The following C5orf46 variants were observed in gnomAD, a reference collection of about 807,000 sequenced individuals.
C5orf46 encodes uncharacterized protein C5orf46.
C5orf46 carries 9 observed loss-of-function variants against 8.9 expected under a neutral mutation model. That is an observed-to-expected ratio of 1.01 (90% CI 0.61 to 1.76). C5orf46 has a LOEUF of 1.76. Among genes scored for constraint, C5orf46 ranks in the 40% most tolerant of loss-of-function variants. The pLI, the probability that C5orf46 is intolerant of heterozygous loss-of-function variation, is 0.00. For synonymous variants in C5orf46, 47 were observed against 41.4 expected, an observed-to-expected ratio of 1.14 and a Z score of -0.52; for missense variants, 98 against 107.8, an observed-to-expected ratio of 0.91 and a Z score of 0.40.
At position 147,906,532 on chromosome 5, in the gene C5orf46, A is replaced by G; in HGVS notation, c.-31T>C. 6.6e-7 allele frequency: 1 copy of G among 1,511,698 alleles called. No homozygotes were observed. The highest frequency in any genetic ancestry group is 9.2e-7 in the Non-Finnish European group (1 of 1,089,074). The allele number at this position is 1,511,698 out of a possible 1,614,324, so 93.6% of individuals were successfully genotyped here. ...TAGCACGGGGTATTCGTGCAGATAA[A>G]TTGTTCAGATACATGTGAAACAATG... On this transcript the variant is annotated 5_prime_UTR_variant, in exon 1 of 4. Transcript: ENST00000318315.
downstream of C5orf46, among the ~76,000 whole-genome samples, chr5:147,890,981 TC>T (rs2127123757): frequency 6.6e-6 from 1 of 152,256 alleles, no homozygotes; most frequent in South Asian, 2.1e-4. Flanking sequence ...AAGCATAAAT[TC>T]CCTCAAGCAC....
chr5:147,895,187 C>T, intron 3 of C5orf46, among the ~76,000 whole-genome samples: 1 of 152,132 alleles, frequency 6.6e-6, no homozygotes, highest in East Asian at 1.9e-4. Flanking sequence ...GTTTAGGAGG[C>T]TGAGGTGGGC....
intron 1 of C5orf46, 103 bp downstream of exon 1, chr5:147,906,329 C>A: frequency 3.1e-6 from 2 of 639,030 alleles, no homozygotes; most frequent in South Asian, 3.6e-5. Context: ...CTGGAGTGCC[C>A]AAAGACCCCT....
intron 1 of C5orf46, 140 bp downstream of exon 1, chr5:147,906,292 C>A: frequency 4.4e-6 from 2 of 458,612 alleles, no homozygotes; most frequent in Non-Finnish European, 8.0e-6. Context: ...GAAGATACAC[C>A]TCTTGTCTCC....
At chr5:147,888,919 C>T (rs116189263), downstream of C5orf46, among the ~76,000 whole-genome samples, 2,447 of 152,188 alleles carry the variant, frequency 0.016, 78 homozygotes, top group African/African-American at 0.057. Context: ...TACTTATATG[C>T]TGTGAGTCCA....
chr5:147,906,442 G>C lies in C5orf46; in HGVS notation c.60C>G (p.Thr20=). The C allele has an allele frequency of 6.2e-7, 1 of 1,609,952 alleles. No homozygotes were observed. The highest frequency in any genetic ancestry group is 8.5e-7 in the Non-Finnish European group (1 of 1,177,272). ...ATCAGAAGCACTTACCTGCATAGCA[G>C]GTCAGGAATAAGACAAGCAGTCCCA... ...VVLGLLVLFL[T]CYADDKPDKP... The change falls in exon 1 of 4, where the codon ACC becomes ACG. Residue 20 remains threonine (T), a synonymous_variant. Transcript: ENST00000318315.
At chr5:147,887,587 G>A (rs529562033) in intron 2 of C5orf46, 58 of 152,258 alleles carry the variant, frequency 3.8e-4, no homozygotes, top group African/African-American at 1.4e-3. Flanking sequence ...TGGACAGGAA[G>A]CATACAGTAA....
chr5:147,894,692 A>G (rs1757553338), intron 3 of C5orf46, among the ~76,000 whole-genome samples: 2 of 151,718 alleles, frequency 1.3e-5, no homozygotes, highest in Middle Eastern at 3.4e-3. Flanking sequence ...CTAGTTATTC[A>G]TTTTGGTAGC....
intron 3 of C5orf46, among the ~76,000 whole-genome samples, chr5:147,893,362 G>A (rs1757531083): frequency 7.0e-6 from 1 of 143,458 alleles, no homozygotes; most frequent in South Asian, 2.2e-4. Context: ...CTGGCTCACT[G>A]CAGCTTCTGC....
intron 3 of C5orf46, among the ~76,000 whole-genome samples, chr5:147,896,606 T>C (rs1757583491): frequency 6.6e-6 from 1 of 152,154 alleles, no homozygotes; most frequent in African/African-American, 2.4e-5. Context: ...TGAATTAGGT[T>C]CAGCAAATTT....
downstream of C5orf46, among the ~76,000 whole-genome samples, chr5:147,887,964 G>A (rs1244290636): frequency 6.6e-6 from 1 of 152,116 alleles, no homozygotes; most frequent in African/African-American, 2.4e-5. Context: ...ACAAGCCAAG[G>A]TCAAACCATG....
At chr5:147,892,349 G>T (rs2127124415), downstream of C5orf46, among the ~76,000 whole-genome samples, 1 of 152,300 alleles carries the variant, frequency 6.6e-6, no homozygotes, top group Non-Finnish European at 1.5e-5. Context: ...CTGTGGGAAG[G>T]CAATGATTTT....
intron 1 of C5orf46, among the ~76,000 whole-genome samples, chr5:147,903,726 A>G (rs1757707086): frequency 6.6e-6 from 1 of 152,158 alleles, no homozygotes; most frequent in South Asian, 2.1e-4. Flanking sequence ...CCTTCATTCA[A>G]AAAGTATTTT....
chr5:147,890,940 CTCTA>C (rs1209740149), downstream of C5orf46, among the ~76,000 whole-genome samples: 1 of 152,158 alleles, frequency 6.6e-6, no homozygotes, highest in Non-Finnish European at 1.5e-5. Context: ...AATAGAATTA[CTCTA>C]TCTACTCAGC....
At chr5:147,893,710 T>C (rs1757537767) in intron 3 of C5orf46, among the ~76,000 whole-genome samples, 1 of 151,982 alleles carries the variant, frequency 6.6e-6, no homozygotes, top group Non-Finnish European at 1.5e-5. Context: ...GCCCGGCTAA[T>C]TTTGTATTTT....
chr5:147,898,187 T>A (rs189344650), intron 2 of C5orf46, among the ~76,000 whole-genome samples: 50 of 152,238 alleles, frequency 3.3e-4, no homozygotes, highest in African/African-American at 1.1e-3. Flanking sequence ...AAGTGAAACT[T>A]ATTAGAAATC....
chr5:147,905,982 C>T (rs768350864), intron 1 of C5orf46, among the ~76,000 whole-genome samples: 11 of 152,154 alleles, frequency 7.2e-5, no homozygotes, highest in South Asian at 2.1e-4. Flanking sequence ...GATAACTTTA[C>T]GAGAAAGTTA....
chr5:147,904,095 A>C (rs1757713719), intron 1 of C5orf46, among the ~76,000 whole-genome samples: 1 of 152,184 alleles, frequency 6.6e-6, no homozygotes, highest in Non-Finnish European at 1.5e-5. Flanking sequence ...AAGGTAAAAA[A>C]AAAAAAAGAC....
intron 1 of C5orf46, among the ~76,000 whole-genome samples, chr5:147,902,339 T>G (rs1757684339): frequency 6.6e-6 from 1 of 151,994 alleles, no homozygotes; most frequent in Non-Finnish European, 1.5e-5. Context: ...TAATCCCAGC[T>G]ACTTGGGAGG....
Sources: allele counts gnomAD v4.1 joint callset (sites outside exome capture counted in the v4.1 genomes callset), GRCh38; gene constraint gnomAD v4.1.1; transcripts MANE v1.5; gene names NCBI Gene and HGNC (gene_info 2026-07-23, HGNC 2026-07-21).